Variants in UNC13C observed in about 807,000 individuals in gnomAD.
The protein encoded by UNC13C is unc-13 homolog C, also known as protein unc-13 homolog C.
UNC13C carries 174 observed loss-of-function variants against 245.4 expected under a neutral mutation model. That is an observed-to-expected ratio of 0.71 (90% CI 0.63 to 0.80). The LOEUF is 0.80. UNC13C is among the 30% of genes least tolerant of loss of function. UNC13C has a pLI of 0.00. For missense variants in UNC13C, 2,829 were observed against 2,602.9 expected (o/e 1.09, Z -1.89); for synonymous variants, 992 against 895.1 (o/e 1.11, Z -1.93).
rs1489797807 is a variant in UNC13C, at chr15:54,488,191, G to A, written c.4934-6417G>A. Among the ~76,000 whole-genome samples, 4 of 152,148 alleles carry A rather than the reference G, an allele frequency of 2.6e-5. No individual in the cohort carries two copies. In the East Asian group the frequency reaches 7.7e-4, roughly 29 times the overall value. On this transcript the variant is annotated intron_variant, in intron 19 of 32. Transcript: ENST00000260323. ...GTGAAGTTATAATTACCTTGGAAAT[G>A]CTTACGTGTGTTTTGTATCTATCAT... is the stretch of plus-strand genomic sequence containing the variant.
rs1420873974 is a variant in UNC13C, at chr15:54,500,090, CT to C, written c.5076del (p.Phe1692LeufsTer6). On this transcript the variant is annotated frameshift_variant, in exon 21 of 33. Transcript: ENST00000260323. LOFTEE classifies it high-confidence loss of function. ...TTAATTTGTTATAGGTGGTTTGAAC[CT>C]TTTGTCATGCAATGGCTAGATGAAA... ...AVPEYSLWFEPFVMQWLDENE... is the reference protein window; with the variant it reads ...AVPEYSLWFEXFVMQWLDENE... The C allele has an allele frequency of 1.2e-6, 2 of 1,608,238 alleles. No homozygotes were observed. The highest frequency in any genetic ancestry group is 1.1e-5 in the South Asian group (1 of 89,762).
At chr15:54,434,967 A>G (rs188918787) in intron 19 of UNC13C, among the ~76,000 whole-genome samples, 36 of 152,246 alleles carry the variant, frequency 2.4e-4, no homozygotes, top group African/African-American at 8.2e-4. Flanking sequence ...CAGCCAACAA[A>G]CACATGAAAA....
intron 4 of UNC13C, among the ~76,000 whole-genome samples, chr15:54,170,467 A>G (rs1376199124): frequency 6.6e-6 from 1 of 152,188 alleles, no homozygotes; most frequent in Non-Finnish European, 1.5e-5. Context: ...ATTCTGGGGA[A>G]TTTCAAACAA....
At chr15:54,346,583 A>G (rs2038864293) in intron 17 of UNC13C, among the ~76,000 whole-genome samples, 1 of 152,248 alleles carries the variant, frequency 6.6e-6, no homozygotes, top group African/African-American at 2.4e-5. Context: ...AGAACCATAT[A>G]AAAATAAAAT....
At chr15:54,461,676 A>AT (rs1256483749) in intron 19 of UNC13C, among the ~76,000 whole-genome samples, 1 of 152,190 alleles carries the variant, frequency 6.6e-6, no homozygotes, top group Non-Finnish European at 1.5e-5. Flanking sequence ...GTCATTGAGT[A>AT]AATCAGGTAG....
intron 4 of UNC13C, among the ~76,000 whole-genome samples, chr15:54,215,720 G>A (rs1567105378): frequency 6.6e-6 from 1 of 151,844 alleles, no homozygotes; most frequent in Non-Finnish European, 1.5e-5. Flanking sequence ...GAAAAATAGT[G>A]GTGAAATTAC....
intron 26 of UNC13C, among the ~76,000 whole-genome samples, chr15:54,544,893 A>G (rs985697666): frequency 7.2e-5 from 11 of 152,226 alleles, no homozygotes; most frequent in Non-Finnish European, 1.3e-4. Context: ...TATCAATTCA[A>G]TGCTATCCCC....
chr15:53,853,775 G>A, the UNC13C span, among the ~76,000 whole-genome samples: 1 of 152,170 alleles, frequency 6.6e-6, no homozygotes, highest in African/African-American at 2.4e-5. Context: ...TACATTTGTT[G>A]CCCACATGAA....
chr15:53,873,453 T>A, the UNC13C span, among the ~76,000 whole-genome samples: 1 of 152,218 alleles, frequency 6.6e-6, no homozygotes. Flanking sequence ...AGGAAACTCA[T>A]GGAGCAGCTT....
At chr15:54,520,149 T>A (rs1895153932) in intron 24 of UNC13C, among the ~76,000 whole-genome samples, 1 of 152,020 alleles carries the variant, frequency 6.6e-6, no homozygotes, top group African/African-American at 2.4e-5. Flanking sequence ...AATGTGTAGA[T>A]GATTACAGTA....
intron 10 of UNC13C, among the ~76,000 whole-genome samples, chr15:54,285,006 A>G (rs2037105220): frequency 6.6e-6 from 1 of 152,146 alleles, no homozygotes; most frequent in Non-Finnish European, 1.5e-5. Flanking sequence ...AGGGAAATTA[A>G]TGTAGTTTAT....
the UNC13C span, among the ~76,000 whole-genome samples, chr15:53,939,053 C>G: frequency 5.9e-5 from 9 of 151,808 alleles, no homozygotes; most frequent in African/African-American, 2.2e-4. Flanking sequence ...ATCAGTGAAT[C>G]CAGGAGCTGG....
chr15:53,884,827 C>T, the UNC13C span, among the ~76,000 whole-genome samples: 1 of 152,190 alleles, frequency 6.6e-6, no homozygotes, highest in Admixed American at 6.5e-5. Context: ...TTTCCCTTTA[C>T]TCCTACTGCT....
At chr15:54,552,680 A>AC (rs1318887410) in intron 28 of UNC13C, among the ~76,000 whole-genome samples, 6 of 84,524 alleles carry the variant, frequency 7.1e-5, no homozygotes, top group Non-Finnish European at 1.2e-4. Context: ...TATATAATAT[A>AC]ATTATATAAT....
intron 25 of UNC13C, among the ~76,000 whole-genome samples, chr15:54,527,390 GA>G (rs937107144): frequency 2.0e-5 from 3 of 151,410 alleles, no homozygotes; most frequent in African/African-American, 4.8e-5. Context: ...TTAGGGGGAG[GA>G]AAAAAAAGAG....
chr15:54,310,971 T>C (rs1191649732), intron 13 of UNC13C, among the ~76,000 whole-genome samples: 2 of 151,766 alleles, frequency 1.3e-5, no homozygotes, highest in African/African-American at 4.8e-5. Flanking sequence ...ATCACATCAA[T>C]TGCCTAATCA....
At chr15:54,370,948 A>G (rs7167636) in intron 17 of UNC13C, among the ~76,000 whole-genome samples, 6,860 of 151,242 alleles carry the variant, frequency 0.045, 427 homozygotes, top group African/African-American at 0.15. Context: ...AAGTATATGT[A>G]CATTGTGGAA....
chr15:54,183,922 A>G (rs2033883402), intron 4 of UNC13C, among the ~76,000 whole-genome samples: 1 of 152,158 alleles, frequency 6.6e-6, no homozygotes, highest in South Asian at 2.1e-4. Context: ...GCTATGCCTT[A>G]AATATTTAAT....
intron 2 of UNC13C, among the ~76,000 whole-genome samples, chr15:54,017,477 C>A (rs544590788): frequency 2.1e-5 from 3 of 144,506 alleles, no homozygotes; most frequent in African/African-American, 7.9e-5. Context: ...CTAAGAAGTG[C>A]ATGAGCATGT....
Sources: allele counts gnomAD v4.1 joint callset (sites outside exome capture counted in the v4.1 genomes callset), GRCh38; gene constraint gnomAD v4.1.1; transcripts MANE v1.5; gene names NCBI Gene and HGNC (gene_info 2026-07-23, HGNC 2026-07-21).